The following EZH2 variants were observed in gnomAD, a reference collection of about 807,000 sequenced individuals.
EZH2 encodes the protein histone-lysine N-methyltransferase EZH2.
Under a neutral mutation model 98.4 loss-of-function variants are expected in EZH2, and 18 were observed. The observed-to-expected ratio is 0.18, with a 90% CI of 0.13 to 0.27. The LOEUF is 0.27. Among genes scored for constraint, EZH2 ranks in the 10% least tolerant of loss-of-function variants. EZH2 has a pLI of 1.00. For missense variants in EZH2, 470 were observed against 935.1 expected (o/e 0.50, Z 6.49); for synonymous variants, 338 against 312.3 (o/e 1.08, Z -0.87).
intron 1 of EZH2, among the ~76,000 whole-genome samples, chr7:148,881,355 C>G (rs762051134): frequency 1.6e-4 from 24 of 152,112 alleles, no homozygotes; most frequent in Non-Finnish European, 3.2e-4. Flanking sequence ...GAGAAATTTG[C>G]CTAAAATTTT....
chr7:148,864,245 T>C (rs1036509008), intron 1 of EZH2, among the ~76,000 whole-genome samples: 8 of 152,246 alleles, frequency 5.3e-5, no homozygotes, highest in Admixed American at 5.2e-4. Flanking sequence ...ACCAGCATTC[T>C]GGTGTTTATC....
chr7:148,808,732 G>T (rs889545391), intron 19 of EZH2, among the ~76,000 whole-genome samples: 5 of 152,160 alleles, frequency 3.3e-5, no homozygotes, highest in Non-Finnish European at 4.4e-5. Context: ...AAATCTATAG[G>T]ACAGTGTGAT....
chr7:148,872,897 T>A (rs1436498158), intron 1 of EZH2, among the ~76,000 whole-genome samples: 1 of 152,106 alleles, frequency 6.6e-6, no homozygotes, highest in African/African-American at 2.4e-5. Flanking sequence ...ATTTAGCCCA[T>A]ATAAATGCAG....
intron 3 of EZH2, among the ~76,000 whole-genome samples, chr7:148,842,110 C>G (rs746315921): frequency 6.6e-6 from 1 of 152,102 alleles, no homozygotes; most frequent in Non-Finnish European, 1.5e-5. Context: ...AAACAAGATA[C>G]AAAACTCTTA....
intron 1 of EZH2, among the ~76,000 whole-genome samples, chr7:148,866,766 G>C (rs936723052): frequency 1.3e-5 from 2 of 149,094 alleles, no homozygotes; most frequent in African/African-American, 4.9e-5. Flanking sequence ...CTGGGCTAGA[G>C]GGCAGTGGCG....
chr7:148,821,793 C>T (rs895181127), intron 8 of EZH2, among the ~76,000 whole-genome samples: 1 of 152,176 alleles, frequency 6.6e-6, no homozygotes, highest in East Asian at 1.9e-4. Flanking sequence ...GCCACTGCAC[C>T]ACTCTGGCCT....
At chr7:148,831,702 ACT>A (rs1281445959) in intron 4 of EZH2, among the ~76,000 whole-genome samples, 1 of 152,202 alleles carries the variant, frequency 6.6e-6, no homozygotes, top group Non-Finnish European at 1.5e-5. Flanking sequence ...TGAAGTTGAG[ACT>A]CTACTGTACA....
chr7:148,852,647 T>C (rs1263296185), intron 1 of EZH2, among the ~76,000 whole-genome samples: 1 of 152,176 alleles, frequency 6.6e-6, no homozygotes, highest in Non-Finnish European at 1.5e-5. Context: ...TTGGAAGCCA[T>C]CTTGGAGAAG....
chr7:148,861,789 A>G (rs936201025), intron 1 of EZH2, among the ~76,000 whole-genome samples: 1 of 139,058 alleles, frequency 7.2e-6, no homozygotes, highest in Non-Finnish European at 1.5e-5. Context: ...TGAGCAACAT[A>G]GCCTTCTTTT....
At chr7:148,825,079 G>A (rs1807309358) in intron 8 of EZH2, among the ~76,000 whole-genome samples, 1 of 152,156 alleles carries the variant, frequency 6.6e-6, no homozygotes. Context: ...TTTATTAAAT[G>A]CTACATCTAT....
chr7:148,819,777 G>T, intron 8 of EZH2, 90 bp from the exon 9 acceptor site: 1 of 1,129,662 alleles, frequency 8.9e-7, no homozygotes, highest in Non-Finnish European at 1.3e-6. Context: ...TCAATTAATG[G>T]ATTATAATCT....
intron 3 of EZH2, among the ~76,000 whole-genome samples, chr7:148,839,463 TAAGA>T (rs1308990598): frequency 2.1e-5 from 3 of 141,744 alleles, no homozygotes; most frequent in African/African-American, 5.3e-5. Context: ...TTGGAACCTT[TAAGA>T]AAGACAAAAA....
At chr7:148,873,213 C>T (rs980633202) in intron 1 of EZH2, among the ~76,000 whole-genome samples, 11 of 151,626 alleles carry the variant, frequency 7.3e-5, no homozygotes, top group Non-Finnish European at 2.9e-5. Context: ...AAAAAGAGGC[C>T]GGGCATGGTG....
At chr7:148,811,944 G>A in intron 15 of EZH2, 1 of 486,410 alleles carries the variant, frequency 2.1e-6, no homozygotes, top group African/African-American at 1.9e-5. Context: ...CTGTCTTACA[G>A]AAAACCTTTT....
At chr7:148,851,300 T>G (rs1196012757) in intron 1 of EZH2, among the ~76,000 whole-genome samples, 3 of 152,156 alleles carry the variant, frequency 2.0e-5, no homozygotes, top group African/African-American at 4.8e-5. Flanking sequence ...TTAGAGATCT[T>G]CAGCCTAAAA....
At position 148,809,292 on chromosome 7, in the gene EZH2, C is replaced by A; in HGVS notation, c.2110+18G>T. Reference sequence around the variant, plus strand: ...GGACTGAAAAGGGAGTTCCAATTCTCACGTCAAAGGTACCTACCTTTTGCA... The same window carrying A: ...GGACTGAAAAGGGAGTTCCAATTCTAACGTCAAAGGTACCTACCTTTTGCA... On this transcript the variant is annotated intron_variant, in intron 18 of 19. Transcript: ENST00000320356. 1 of 1,598,494 alleles carries A rather than the reference C, an allele frequency of 6.3e-7. No individual in the cohort carries two copies.
intron 7 of EZH2, 67 bp from the exon 8 acceptor site, chr7:148,826,699 A>T: frequency 7.5e-7 from 1 of 1,325,796 alleles, no homozygotes. Context: ...AACAGTTTCT[A>T]AAAGGTTTCC....
intron 1 of EZH2, among the ~76,000 whole-genome samples, chr7:148,867,392 A>G (rs1818706121): frequency 6.6e-6 from 1 of 152,152 alleles, no homozygotes; most frequent in Admixed American, 6.5e-5. Context: ...TACCAGCACA[A>G]AACAGATGAA....
intron 8 of EZH2, among the ~76,000 whole-genome samples, chr7:148,825,329 A>C (rs181350054): frequency 4.6e-5 from 7 of 152,362 alleles, no homozygotes; most frequent in Middle Eastern, 3.4e-3. Flanking sequence ...TAAAACTACC[A>C]AATCAATTTA....
Sources: allele counts gnomAD v4.1 joint callset (sites outside exome capture counted in the v4.1 genomes callset), GRCh38; gene constraint gnomAD v4.1.1; transcripts MANE v1.5; gene names NCBI Gene and HGNC (gene_info 2026-07-23, HGNC 2026-07-21).